AUTS2: variants seen among roughly 807,000 people sequenced by gnomAD.
The protein encoded by AUTS2 is activator of transcription and developmental regulator AUTS2, also known as autism susceptibility gene 2 protein.
A neutral mutation model predicts 112.4 loss-of-function variants in AUTS2; 17 were observed. The ratio of observed to expected loss-of-function variants is 0.15; its 90% CI spans 0.10 to 0.23. AUTS2 has a LOEUF of 0.23. Ranked by LOEUF, AUTS2 falls within the 10% of genes least tolerant of loss-of-function variation. The probability of loss-of-function intolerance (pLI) is 1.00; values close to 1 mark genes in which losing one functional copy is unlikely to be tolerated. For synonymous variants in AUTS2, 751 were observed against 702.7 expected (o/e 1.07, Z -1.09); for missense variants, 1,510 against 1,701.6 (o/e 0.89, Z 1.98).
At chr7:70,518,068 CT>C (rs1554419095) in intron 5 of AUTS2, among the ~76,000 whole-genome samples, 1 of 152,184 alleles carries the variant, frequency 6.6e-6, no homozygotes, top group Non-Finnish European at 1.5e-5. Flanking sequence ...GTTTGCTTCC[CT>C]GTTTATGTCA....
chr7:70,450,275 A>C (rs1433522171), intron 5 of AUTS2, among the ~76,000 whole-genome samples: 1 of 152,228 alleles, frequency 6.6e-6, no homozygotes, highest in Admixed American at 6.5e-5. Flanking sequence ...TGAGGTACCT[A>C]GATGAATTAC....
intron 4 of AUTS2, among the ~76,000 whole-genome samples, chr7:70,299,491 C>G (rs570120630): frequency 6.6e-6 from 1 of 152,302 alleles, no homozygotes; most frequent in Non-Finnish European, 1.5e-5. Context: ...CTCTCACAAG[C>G]TGGTGGGGAA....
intron 2 of AUTS2, among the ~76,000 whole-genome samples, chr7:69,933,211 G>GT (rs1225622324): frequency 6.6e-6 from 1 of 152,154 alleles, no homozygotes; most frequent in Admixed American, 6.5e-5. Context: ...TGGCTCATGT[G>GT]TGCGCACAGG....
intron 1 of AUTS2, among the ~76,000 whole-genome samples, chr7:69,620,138 T>C (rs1793589349): frequency 6.6e-6 from 1 of 152,190 alleles, no homozygotes. Flanking sequence ...GGTTCAAGCT[T>C]AGGGGAGATG....
At chr7:69,912,648 C>T (rs542186031) in intron 2 of AUTS2, among the ~76,000 whole-genome samples, 1 of 152,256 alleles carries the variant, frequency 6.6e-6, no homozygotes, top group South Asian at 2.1e-4. Context: ...TCTTCTCTTC[C>T]CCCTTTCAAA....
intron 5 of AUTS2, among the ~76,000 whole-genome samples, chr7:70,675,556 A>G (rs1393435140): frequency 6.6e-6 from 1 of 152,222 alleles, no homozygotes; most frequent in African/African-American, 2.4e-5. Context: ...GGTGTAAAGC[A>G]GTACCCTTTT....
At chr7:70,078,331 A>G (rs1256316947) in intron 2 of AUTS2, among the ~76,000 whole-genome samples, 1 of 152,192 alleles carries the variant, frequency 6.6e-6, no homozygotes, top group Non-Finnish European at 1.5e-5. Context: ...TGGACAGATC[A>G]GGACAACGTG....
In AUTS2 at chr7:69,913,251, G is replaced by A. The variant is rs181072843; in HGVS notation, c.522+13753G>A. 2.0e-3 allele frequency among the ~76,000 whole-genome samples: 308 copies of A among 152,198 alleles called. 2 individuals carry two copies. The highest frequency in any genetic ancestry group is 6.8e-3 in the Middle Eastern group (2 of 292). On this transcript the variant is annotated intron_variant, in intron 2 of 18. Coordinates refer to ENST00000342771, the MANE Select transcript of AUTS2 (RefSeq NM_015570.4). ...ATGATCTTTTTCCTTGTAAGTAATT[G>A]CATTGTCTTCCCAACTCTTATGATC...
At chr7:69,817,142 G>C (rs1790797229) in intron 1 of AUTS2, among the ~76,000 whole-genome samples, 1 of 152,226 alleles carries the variant, frequency 6.6e-6, no homozygotes, top group South Asian at 2.1e-4. Flanking sequence ...CTCCACACCA[G>C]TGACAGCACT....
intron 1 of AUTS2, among the ~76,000 whole-genome samples, chr7:69,779,559 C>T (rs1202798619): frequency 2.6e-5 from 4 of 151,842 alleles, no homozygotes; most frequent in South Asian, 2.1e-4. Flanking sequence ...GTCAGGAGTT[C>T]GAGACCAGCC....
chr7:70,708,855 A>G (rs1446301896), intron 6 of AUTS2, among the ~76,000 whole-genome samples: 2 of 151,902 alleles, frequency 1.3e-5, no homozygotes, highest in Non-Finnish European at 2.9e-5. Flanking sequence ...AGATCTGTAC[A>G]TCACCTATCA....
intron 4 of AUTS2, among the ~76,000 whole-genome samples, chr7:70,273,344 A>C (rs1334546529): frequency 6.6e-6 from 1 of 152,186 alleles, no homozygotes; most frequent in East Asian, 1.9e-4. Flanking sequence ...CATATGATTG[A>C]TTTTAAAGCT....
rs80228961 is a variant in AUTS2, at chr7:70,247,452, T to C, written c.660+112881T>C. Among the ~76,000 whole-genome samples, 874 of 152,272 alleles carry C rather than the reference T, an allele frequency of 5.7e-3. 1 individual carries two copies. The highest frequency in any genetic ancestry group is 9.9e-3 in the Non-Finnish European group (673 of 68,018). Reference sequence around the variant, plus strand: ...TTCTGGAGCTGGATGGTGGTGATAATTGAACAATATTATGATATAATTAAT... The same window carrying C: ...TTCTGGAGCTGGATGGTGGTGATAACTGAACAATATTATGATATAATTAAT... On this transcript the variant is annotated intron_variant, in intron 4 of 18. Coordinates refer to ENST00000342771, the MANE Select transcript of AUTS2 (RefSeq NM_015570.4).
At chr7:69,655,606 C>T (rs545916009) in intron 1 of AUTS2, among the ~76,000 whole-genome samples, 15 of 152,162 alleles carry the variant, frequency 9.9e-5, no homozygotes, top group Non-Finnish European at 1.9e-4. Context: ...TTGAGAAACA[C>T]TGAGGGTGTG....
intron 5 of AUTS2, among the ~76,000 whole-genome samples, chr7:70,469,498 G>A (rs1220988996): frequency 6.6e-6 from 1 of 152,212 alleles, no homozygotes; most frequent in South Asian, 2.1e-4. Context: ...GGATATCAGT[G>A]AGAGCAAGCA....
chr7:70,139,576 A>G (rs1336214543), intron 4 of AUTS2, among the ~76,000 whole-genome samples: 1 of 152,146 alleles, frequency 6.6e-6, no homozygotes, highest in Non-Finnish European at 1.5e-5. Context: ...CATTGTATTC[A>G]TTTATTTTCT....
At chr7:70,345,214 G>A (rs1031286076) in intron 4 of AUTS2, among the ~76,000 whole-genome samples, 2 of 152,094 alleles carry the variant, frequency 1.3e-5, no homozygotes, top group African/African-American at 4.8e-5. Flanking sequence ...TCAAGATTGG[G>A]TGACTACTGG....
intron 4 of AUTS2, among the ~76,000 whole-genome samples, chr7:70,315,858 C>T (rs2129616669): frequency 6.6e-6 from 1 of 152,268 alleles, no homozygotes; most frequent in East Asian, 1.9e-4. Flanking sequence ...GATTATTGTT[C>T]TGGCATCCCA....
chr7:70,205,011 C>CAGAT (rs1226493780), intron 4 of AUTS2, among the ~76,000 whole-genome samples: 1 of 152,062 alleles, frequency 6.6e-6, no homozygotes, highest in African/African-American at 2.4e-5. Flanking sequence ...GAATTCACAG[C>CAGAT]AGATACTAAG....
Sources: allele counts gnomAD v4.1 joint callset (sites outside exome capture counted in the v4.1 genomes callset), GRCh38; gene constraint gnomAD v4.1.1; transcripts MANE v1.5; gene names NCBI Gene and HGNC (gene_info 2026-07-23, HGNC 2026-07-21).